BICC1: variants seen among roughly 807,000 people sequenced by gnomAD.
BICC1 encodes the protein BicC family RNA binding protein 1.
A neutral mutation model predicts 111.0 loss-of-function variants in BICC1; 43 were observed. The observed-to-expected ratio is 0.39, with a 90% CI of 0.30 to 0.50. The LOEUF (loss-of-function observed/expected upper bound fraction) is 0.50. Ranked by LOEUF, BICC1 falls within the 20% of genes least tolerant of loss-of-function variation. The pLI, the probability that BICC1 is intolerant of heterozygous loss-of-function variation, is 0.88. For synonymous variants in BICC1, 467 were observed against 434.4 expected, an observed-to-expected ratio of 1.07 and a Z score of -0.93; for missense variants, 1,091 against 1,203.2, an observed-to-expected ratio of 0.91 and a Z score of 1.38.
chr10:58,627,549 A>G (rs2132161733), intron 2 of BICC1, among the ~76,000 whole-genome samples: 1 of 152,370 alleles, frequency 6.6e-6, no homozygotes, highest in Non-Finnish European at 1.5e-5. Flanking sequence ...GACATTATGT[A>G]GATAAAAATT....
intron 2 of BICC1, among the ~76,000 whole-genome samples, chr10:58,664,862 G>T (rs895531197): frequency 2.6e-5 from 4 of 152,154 alleles, no homozygotes; most frequent in Non-Finnish European, 4.4e-5. Flanking sequence ...AGTATTGTCA[G>T]CAGTTGAGCT....
At chr10:58,741,348 C>A (rs911529691) in intron 3 of BICC1, among the ~76,000 whole-genome samples, 30 of 152,062 alleles carry the variant, frequency 2.0e-4, no homozygotes, top group Admixed American at 1.8e-3. Flanking sequence ...CTTGTAACAG[C>A]CCCATGAAAG....
intron 1 of BICC1, among the ~76,000 whole-genome samples, chr10:58,540,969 A>G (rs1453539766): frequency 6.6e-6 from 1 of 152,124 alleles, no homozygotes; most frequent in Non-Finnish European, 1.5e-5. Context: ...GATCATCTCA[A>G]TTGATGCAGA....
At chr10:58,754,752 G>GT (rs1842093448) in intron 3 of BICC1, among the ~76,000 whole-genome samples, 1 of 119,744 alleles carries the variant, frequency 8.4e-6, no homozygotes, top group African/African-American at 3.2e-5. Context: ...TTGTGAGGGG[G>GT]GGTGTGTATG....
At chr10:58,618,012 A>G (rs908395182) in intron 1 of BICC1, among the ~76,000 whole-genome samples, 3 of 152,178 alleles carry the variant, frequency 2.0e-5, no homozygotes, top group African/African-American at 7.2e-5. Flanking sequence ...CCAGGGTTTC[A>G]CCCTTTGGGC....
At chr10:58,583,283 T>C (rs1844331273) in intron 1 of BICC1, among the ~76,000 whole-genome samples, 1 of 152,154 alleles carries the variant, frequency 6.6e-6, no homozygotes, top group Non-Finnish European at 1.5e-5. Context: ...TTTGGTTATA[T>C]GGATAAATTC....
Position 58,803,058 on chromosome 10 carries a change from CCA to C in BICC1, c.2016-15_2016-14del. The stretch of plus-strand genomic sequence containing the variant: ...TGTATATATAGTGGAGTGTTAAATT[CCA>C]CACTCTTATTTCACAGCAGCACTGA... On this transcript the variant is annotated splice_polypyrimidine_tract_variant and intron_variant, in intron 14 of 20. Coordinates refer to ENST00000373886, the MANE Select transcript of BICC1 (RefSeq NM_001080512.3). 6.4e-7 allele frequency: 1 copy of C among 1,563,012 alleles called. No homozygotes were observed. Among genetic ancestry groups the C allele is most frequent in the African/African-American group, 1.4e-5 (1 of 73,398 alleles).
intron 3 of BICC1, among the ~76,000 whole-genome samples, chr10:58,719,035 T>G (rs982837042): frequency 2.0e-4 from 30 of 152,334 alleles, no homozygotes; most frequent in African/African-American, 7.2e-4. Context: ...CTTCAGTATG[T>G]TATTTTGAAT....
chr10:58,746,897 T>C (rs1401010045), intron 3 of BICC1, among the ~76,000 whole-genome samples: 2 of 152,192 alleles, frequency 1.3e-5, no homozygotes, highest in Non-Finnish European at 2.9e-5. Flanking sequence ...GAAAAGCGAA[T>C]GCCAATAACA....
intron 3 of BICC1, among the ~76,000 whole-genome samples, chr10:58,781,468 A>AT (rs1486802288): frequency 6.6e-6 from 1 of 151,890 alleles, no homozygotes; most frequent in African/African-American, 2.4e-5. Flanking sequence ...AAAGTAGTAA[A>AT]TTTTTTTTTA....
rs556155289 is a variant in BICC1, at chr10:58,778,084, G to A, written c.308-6917G>A. 1.3e-3 allele frequency among the ~76,000 whole-genome samples: 196 copies of A among 151,994 alleles called. 4 individuals carry two copies. Among genetic ancestry groups the A allele is most frequent in the Admixed American group, 0.013 (193 of 15,252 alleles). On this transcript the variant is annotated intron_variant, in intron 3 of 20. Transcript: ENST00000373886. The stretch of plus-strand genomic sequence containing the variant: ...AAAAATTAGCCAGGCATGGTGGCCC[G>A]TGCCTGTAGTCCCAGCTACTCAGGA...
In BICC1 at chr10:58,794,515, C is replaced by T. The variant is rs577446066; in HGVS notation, c.1179+900C>T. Reference sequence around the variant, plus strand: ...CTTACTGCAGCCTCGACTTCCTGAGCTCAGGTGGTTCTCCCACCTCAGCCT... The same window carrying T: ...CTTACTGCAGCCTCGACTTCCTGAGTTCAGGTGGTTCTCCCACCTCAGCCT... On this transcript the variant is annotated intron_variant, in intron 9 of 20. Transcript: ENST00000373886. 3.3e-5 allele frequency among the ~76,000 whole-genome samples: 5 copies of T among 151,710 alleles called. No individual in the cohort carries two copies. The East Asian group carries it at 9.7e-4, about 30-fold the overall frequency.
intron 2 of BICC1, among the ~76,000 whole-genome samples, chr10:58,642,037 G>A (rs1838139184): frequency 6.6e-6 from 1 of 152,226 alleles, no homozygotes; most frequent in African/African-American, 2.4e-5. Context: ...TGTAATAGCA[G>A]TGCTGCAAGT....
intron 17 of BICC1, among the ~76,000 whole-genome samples, chr10:58,811,660 C>T (rs1003872285): frequency 1.3e-5 from 2 of 152,152 alleles, no homozygotes; most frequent in African/African-American, 2.4e-5. Flanking sequence ...AAGGTTCTTA[C>T]TTTCTCAGAT....
At chr10:58,706,635 C>T (rs1185894644) in intron 3 of BICC1, among the ~76,000 whole-genome samples, 1 of 152,136 alleles carries the variant, frequency 6.6e-6, no homozygotes, top group Non-Finnish European at 1.5e-5. Flanking sequence ...GGGTGGTTTC[C>T]TTCCACGCTG....
intron 8 of BICC1, among the ~76,000 whole-genome samples, chr10:58,791,596 C>T (rs533426271): frequency 6.6e-5 from 10 of 152,034 alleles, no homozygotes; most frequent in African/African-American, 2.2e-4. Flanking sequence ...AAAAGTTAGC[C>T]GGGCATAGTG....
intron 2 of BICC1, among the ~76,000 whole-genome samples, chr10:58,700,053 G>GT (rs1840184487): frequency 6.6e-6 from 1 of 152,156 alleles, no homozygotes. Flanking sequence ...TCTGAAACTA[G>GT]TTAAATCCGG....
rs61692850 is a variant in BICC1 at position 58,555,306 on chromosome 10, ATTTTTTTTT to A, written c.190+41993_190+42001del. Among the ~76,000 whole-genome samples, 76 of 102,522 alleles carry A rather than the reference ATTTTTTTTT, an allele frequency of 7.4e-4. 2 individuals are homozygous for A. Among genetic ancestry groups the A allele is most frequent in the African/African-American group, 2.3e-3 (60 of 25,818 alleles). The allele number at this position is 102,522 out of a possible 152,430, so 67.3% of individuals were successfully genotyped here. A position where few individuals can be genotyped will look rare whatever the true frequency, so the allele number is the denominator to read the frequency against. On this transcript the variant is annotated intron_variant, in intron 1 of 20. Transcript: ENST00000373886. Reference sequence around the variant, plus strand: ...CTGAAGAGAATAGAGGCTGTTGGACATTTTTTTTTTTTTTTTTTTTTTTTTTTTAGGTGG... The same window carrying A: ...CTGAAGAGAATAGAGGCTGTTGGACATTTTTTTTTTTTTTTTTTTAGGTGG...
intron 4 of BICC1, among the ~76,000 whole-genome samples, chr10:58,785,670 A>G (rs1411978806): frequency 6.6e-6 from 1 of 152,196 alleles, no homozygotes; most frequent in Non-Finnish European, 1.5e-5. Flanking sequence ...AAACACATCT[A>G]AATCACTTAT....
Sources: gnomAD v4.1 joint callset for allele counts (sites outside exome capture counted in the v4.1 genomes callset) on GRCh38, gnomAD v4.1.1 for gene constraint, MANE v1.5 for transcripts, NCBI Gene and HGNC (gene_info 2026-07-23, HGNC 2026-07-21) for gene names.